Variants in LDLRAD4 observed in about 807,000 individuals in gnomAD.
LDLRAD4 encodes low-density lipoprotein receptor class A domain-containing protein 4.
LDLRAD4 carries 5 observed loss-of-function variants against 17.0 expected under a neutral mutation model. The observed-to-expected ratio is 0.29, with a 90% CI of 0.15 to 0.62. The LOEUF (loss-of-function observed/expected upper bound fraction) is 0.62. LDLRAD4 is among the 20% of genes least tolerant of loss of function. LDLRAD4 has a pLI of 0.84. For missense variants in LDLRAD4, 340 were observed against 424.7 expected (o/e 0.80, Z 1.75); for synonymous variants, 168 against 171.8 (o/e 0.98, Z 0.17).
At chr18:13,356,861 C>T (rs2083375206) in intron 1 of LDLRAD4, among the ~76,000 whole-genome samples, 1 of 152,230 alleles carries the variant, frequency 6.6e-6, no homozygotes, top group African/African-American at 2.4e-5. Context: ...AGGTCAGGCG[C>T]ATTGGCTCAC....
chr18:13,552,245 T>C (rs1305174175), intron 3 of LDLRAD4, among the ~76,000 whole-genome samples: 1 of 152,230 alleles, frequency 6.6e-6, no homozygotes, highest in Non-Finnish European at 1.5e-5. Context: ...ATCTGCATCC[T>C]TTAAACTGTC....
intron 1 of LDLRAD4, among the ~76,000 whole-genome samples, chr18:13,287,868 A>G (rs1261096727): frequency 1.3e-5 from 2 of 152,240 alleles, no homozygotes; most frequent in East Asian, 1.9e-4. Flanking sequence ...ATACAGAGAA[A>G]AACGTTAAAA....
chr18:13,422,465 G>C (rs527764616), intron 2 of LDLRAD4, among the ~76,000 whole-genome samples: 2 of 152,184 alleles, frequency 1.3e-5, no homozygotes, highest in South Asian at 4.2e-4. Flanking sequence ...GGGAGGTGAA[G>C]GTGGGAGGAT....
intron 1 of LDLRAD4, among the ~76,000 whole-genome samples, chr18:13,245,252 A>G (rs1456115395): frequency 6.6e-6 from 1 of 152,136 alleles, no homozygotes; most frequent in Non-Finnish European, 1.5e-5. Flanking sequence ...CAGCCCCTCT[A>G]TTCTTGAGAG....
intron 2 of LDLRAD4, among the ~76,000 whole-genome samples, chr18:13,418,801 T>G (rs1430187709): frequency 6.6e-6 from 1 of 152,228 alleles, no homozygotes; most frequent in Non-Finnish European, 1.5e-5. Flanking sequence ...ATCCAAGCAT[T>G]GCTCCAGAGA....
rs757818988 is a variant in LDLRAD4 at position 13,502,256 on chromosome 18, G to A, written c.181+63872G>A. Among the ~76,000 whole-genome samples, 3 of 152,202 alleles carry A rather than the reference G, an allele frequency of 2.0e-5. 1 individual carries two copies. In the South Asian group the frequency reaches 6.2e-4, roughly 31 times the overall value. Reference sequence around the variant, plus strand: ...TTAGTGCTTTAGGTTTTATCAGCTGGTGCCACATCTTTTAAAATTCTGTCC... The same window carrying A: ...TTAGTGCTTTAGGTTTTATCAGCTGATGCCACATCTTTTAAAATTCTGTCC... On this transcript the variant is annotated intron_variant, in intron 3 of 5. Transcript: ENST00000359446.
Position 13,406,133 on chromosome 18 carries a change from C to A in LDLRAD4, c.40+18371C>A, listed in dbSNP as rs115535241. On this transcript the variant is annotated intron_variant, in intron 2 of 5. Coordinates refer to ENST00000359446, the Ensembl canonical transcript of LDLRAD4. Reference sequence around the variant, plus strand: ...GCTGGCAGCCCCAGTGCTAGGGGACCCACGCCCATGCTCTTGTGTTATGCC... The same window carrying A: ...GCTGGCAGCCCCAGTGCTAGGGGACACACGCCCATGCTCTTGTGTTATGCC... Among the ~76,000 whole-genome samples the A allele has an allele frequency of 2.3e-3, 347 of 152,294 alleles. 2 individuals carry two copies. Among genetic ancestry groups the A allele is most frequent in the African/African-American group, 7.1e-3 (294 of 41,546 alleles).
chr18:13,415,136 G>A (rs1482401341), intron 2 of LDLRAD4, among the ~76,000 whole-genome samples: 1 of 152,170 alleles, frequency 6.6e-6, no homozygotes, highest in Non-Finnish European at 1.5e-5. Context: ...GGTTGTGGGG[G>A]CATCTGTTGC....
chr18:13,404,135 G>A (rs1599983666), intron 2 of LDLRAD4, among the ~76,000 whole-genome samples: 1 of 152,208 alleles, frequency 6.6e-6, no homozygotes, highest in Non-Finnish European at 1.5e-5. Flanking sequence ...AGATTCTGCC[G>A]CTTCTGGACG....
chr18:13,463,588 A>T (rs942859119), intron 3 of LDLRAD4, among the ~76,000 whole-genome samples: 2 of 152,218 alleles, frequency 1.3e-5, no homozygotes, highest in African/African-American at 4.8e-5. Flanking sequence ...GCTTTAATTT[A>T]CATCATCTAG....
intron 3 of LDLRAD4, among the ~76,000 whole-genome samples, chr18:13,539,936 C>T (rs779225106): frequency 1.3e-5 from 2 of 152,212 alleles, no homozygotes; most frequent in Non-Finnish European, 2.9e-5. Context: ...CTTGGGCTGG[C>T]TATGGCCACC....
chr18:13,305,129 C>A lies in LDLRAD4; in HGVS notation c.-383+26941C>A, dbSNP rs541226559. ...AAAATTAAGACAAAGTTAGGCATGT[C>A]ATGAATGCATAAAATATATGTAGAT... On this transcript the variant is annotated intron_variant, in intron 1 of 5. Coordinates refer to ENST00000359446, the Ensembl canonical transcript of LDLRAD4. Among the ~76,000 whole-genome samples, 9 of 152,026 alleles carry A rather than the reference C, an allele frequency of 5.9e-5. No individual in the cohort carries two copies. In the South Asian group the frequency reaches 1.9e-3, roughly 32 times the overall value.
intron 4 of LDLRAD4, chr18:13,642,319 C>A: frequency 1.0e-6 from 1 of 995,768 alleles, no homozygotes; most frequent in Non-Finnish European, 1.2e-6. Flanking sequence ...ACGCTGAGTT[C>A]GCGCTCTCCC....
chr18:13,488,243 T>C (rs2093277993), intron 3 of LDLRAD4: 1 of 152,242 alleles, frequency 6.6e-6, no homozygotes, highest in South Asian at 2.1e-4. Flanking sequence ...CATGCTCTGG[T>C]CATGAGTGTT....
At chr18:13,482,556 T>C (rs2093119093) in intron 3 of LDLRAD4, among the ~76,000 whole-genome samples, 1 of 152,188 alleles carries the variant, frequency 6.6e-6, no homozygotes, top group Non-Finnish European at 1.5e-5. Context: ...TTGAGGCCAA[T>C]TGCATGGGAA....
chr18:13,355,150 G>A (rs1363457590), intron 1 of LDLRAD4, among the ~76,000 whole-genome samples: 1 of 152,204 alleles, frequency 6.6e-6, no homozygotes, highest in Non-Finnish European at 1.5e-5. Flanking sequence ...GATGAGGCGC[G>A]TGCTCCTGCA....
intron 1 of LDLRAD4, among the ~76,000 whole-genome samples, chr18:13,349,835 C>T (rs758687949): frequency 3.2e-4 from 49 of 151,970 alleles, no homozygotes; most frequent in African/African-American, 8.7e-4. Context: ...TCCCTGTGTC[C>T]GTGTGTTCTC....
chr18:13,292,618 G>A (rs1409243616), intron 1 of LDLRAD4, among the ~76,000 whole-genome samples: 1 of 152,206 alleles, frequency 6.6e-6, no homozygotes. Context: ...GCCTCTAGGT[G>A]CAGAAATTGA....
intron 3 of LDLRAD4, among the ~76,000 whole-genome samples, chr18:13,507,147 A>G (rs767569875): frequency 7.2e-5 from 11 of 152,088 alleles, no homozygotes; most frequent in Non-Finnish European, 1.5e-4. Context: ...TCTTTTTTAA[A>G]ATTCTTTTTA....
Sources: allele counts gnomAD v4.1 joint callset (sites outside exome capture counted in the v4.1 genomes callset), GRCh38; gene constraint gnomAD v4.1.1; transcripts MANE v1.5; gene names NCBI Gene and HGNC (gene_info 2026-07-23, HGNC 2026-07-21).